Variants in TRMO observed in about 807,000 individuals in gnomAD.
TRMO encodes tRNA methyltransferase O, also known as tRNA (adenine(37)-N6)-methyltransferase.
Under a neutral mutation model 37.2 loss-of-function variants are expected in TRMO, and 30 were observed. The ratio of observed to expected loss-of-function variants is 0.81; its 90% CI spans 0.60 to 1.09. The LOEUF (loss-of-function observed/expected upper bound fraction) is 1.09, where lower values mean the gene tolerates loss of function less well. Among genes scored for constraint, TRMO ranks in the 50% least tolerant of loss-of-function variants. The pLI, the probability that TRMO is intolerant of heterozygous loss-of-function variation, is 0.00. For missense variants in TRMO, 552 were observed against 549.5 expected (o/e 1.00, Z -0.05); for synonymous variants, 239 against 199.4 (o/e 1.20, Z -1.67).
chr9:97,920,335 G>A (rs1198338653), intron 1 of TRMO, among the ~76,000 whole-genome samples: 1 of 152,170 alleles, frequency 6.6e-6, no homozygotes, highest in East Asian at 1.9e-4. Context: ...CATGGAAATG[G>A]GGAGAAGTGG....
downstream of TRMO, among the ~76,000 whole-genome samples, chr9:97,903,649 T>C (rs954001738): frequency 2.0e-5 from 3 of 152,228 alleles, no homozygotes; most frequent in Non-Finnish European, 4.4e-5. Context: ...AATTACTGTA[T>C]TTCTAAAACT....
At chr9:97,897,739 T>C in the TRMO span, among the ~76,000 whole-genome samples, 1 of 152,288 alleles carries the variant, frequency 6.6e-6, no homozygotes, top group East Asian at 1.9e-4. Flanking sequence ...TAAAAATGTT[T>C]TTTATATCTT....
At chr9:97,917,565 AT>A (rs1671597162) in intron 1 of TRMO, among the ~76,000 whole-genome samples, 2 of 152,214 alleles carry the variant, frequency 1.3e-5, no homozygotes, top group African/African-American at 4.8e-5. Context: ...AATAATATAT[AT>A]AATATAATCC....
chr9:97,903,977 G>C (rs1825748695), downstream of TRMO, among the ~76,000 whole-genome samples: 1 of 152,132 alleles, frequency 6.6e-6, no homozygotes, highest in South Asian at 2.1e-4. Flanking sequence ...AGCTACTCAG[G>C]AGGCTGAGGC....
intron 3 of TRMO, chr9:97,911,276 G>A (rs190040223): frequency 7.8e-5 from 13 of 166,616 alleles, no homozygotes; most frequent in East Asian, 1.8e-4. Context: ...AGACTCACTC[G>A]AGAGACTCTC....
chr9:97,904,466 T>C, downstream of TRMO: 1 of 1,234,826 alleles, frequency 8.1e-7, no homozygotes, highest in South Asian at 2.4e-5. Flanking sequence ...GAACAGCTTC[T>C]TTCAGAAATT....
At chr9:97,913,791 CA>C (rs1362306366) in intron 2 of TRMO, among the ~76,000 whole-genome samples, 3 of 152,214 alleles carry the variant, frequency 2.0e-5, no homozygotes, top group African/African-American at 4.8e-5. Flanking sequence ...AACTGGCACA[CA>C]GTAGGAACTT....
Position 97,922,443 on chromosome 9 carries a change from G to A in TRMO, c.51C>T (p.Gly17=), listed in dbSNP as rs1372611484. Residue 17 remains glycine, a synonymous_variant, in exon 1 of 5, where the codon GGC becomes GGT. Transcript: ENST00000375119. ...CTGTCTCCAGAGCCGGCTTAACGCAGCCGCACGGGGTCGCTGTAGGCCGAG... is the reference window on the plus strand; with the variant it reads ...CTGTCTCCAGAGCCGGCTTAACGCAACCGCACGGGGTCGCTGTAGGCCGAG... The part of the protein sequence containing the change: ...SGPRPTATPC[G]CVKPALETGN... 3.2e-6 allele frequency: 5 copies of A among 1,587,014 alleles called. No individual in the cohort carries two copies. The highest frequency in any genetic ancestry group is 1.1e-5 in the South Asian group (1 of 87,280).
At chr9:97,917,238 A>G (rs916149876) in intron 1 of TRMO, among the ~76,000 whole-genome samples, 2 of 152,260 alleles carry the variant, frequency 1.3e-5, no homozygotes, top group South Asian at 2.1e-4. Flanking sequence ...CTGGGTATAC[A>G]TAAGTAAGGA....
the TRMO span, among the ~76,000 whole-genome samples, chr9:97,897,110 T>C: frequency 2.0e-5 from 3 of 152,258 alleles, no homozygotes; most frequent in African/African-American, 4.8e-5. Flanking sequence ...GATATTATAA[T>C]ACATACTTGC....
At chr9:97,902,136 AG>A (rs1831183869), downstream of TRMO, among the ~76,000 whole-genome samples, 1 of 152,202 alleles carries the variant, frequency 6.6e-6, no homozygotes, top group Admixed American at 6.5e-5. Flanking sequence ...ACGTTCAGGA[AG>A]AATGTTTTAA....
Position 97,909,990 on chromosome 9 carries a change from C to T in TRMO, c.1036G>A (p.Glu346Lys), listed in dbSNP as rs762718484. 4 of 1,562,212 alleles carry T rather than the reference C, an allele frequency of 2.6e-6. No individual in the cohort carries two copies. The highest frequency in any genetic ancestry group is 2.3e-5 in the East Asian group (1 of 44,324). Residue 346 changes from glutamate to lysine, a missense_variant, in exon 4 of 5, where the codon GAG becomes AAG. By Grantham distance (56) the Glu-to-Lys change is moderately conservative. Coordinates refer to ENST00000375119, the MANE Select transcript of TRMO (RefSeq NM_016481.5). ...TLEVRFTPHA[E>K]MDLGQLSSQD... ...GAACTGAGCTGCCCAAGGTCCATCT[C>T]GGCATGAGGAGTAAACCGCACTTCT...
intron 4 of TRMO, 146 bp from the exon 5 acceptor site, chr9:97,905,138 T>A: frequency 2.2e-6 from 2 of 892,382 alleles, no homozygotes; most frequent in South Asian, 1.7e-5. Context: ...TTACGGAGAC[T>A]GTCACCGTCA....
chr9:97,902,795 C>T (rs1013294707), downstream of TRMO, among the ~76,000 whole-genome samples: 12 of 152,190 alleles, frequency 7.9e-5, no homozygotes, highest in African/African-American at 2.7e-4. Context: ...CAAAATCAAA[C>T]TAAAGTGTAG....
rs758588929 is a variant in TRMO, at chr9:97,922,494, G to A, written c.-1C>T. 2.2e-5 allele frequency: 35 copies of A among 1,572,852 alleles called. No homozygotes were observed. The African/African-American group carries it at 4.2e-4, about 19-fold the overall frequency. On this transcript the variant is annotated 5_prime_UTR_variant, in exon 1 of 5. Coordinates refer to ENST00000375119, the MANE Select transcript of TRMO (RefSeq NM_016481.5). Reference sequence around the variant, plus strand: ...GCCCCGACTCCTCCAAGCCGCGCATGGCTACTGGTTGCTGAGGTGCCCACC... The same window carrying A: ...GCCCCGACTCCTCCAAGCCGCGCATAGCTACTGGTTGCTGAGGTGCCCACC...
In TRMO at chr9:97,913,587, G is replaced by C. The variant is rs572524913; in HGVS notation, c.252-29C>G. The C allele has an allele frequency of 1.8e-5, 27 of 1,460,000 alleles. No individual in the cohort carries two copies. The African/African-American group carries it at 2.9e-4, about 16-fold the overall frequency. 90.4% of individuals were successfully genotyped at this position (1,460,000 alleles called of 1,614,324 possible). On this transcript the variant is annotated intron_variant, in intron 2 of 4. Coordinates refer to ENST00000375119, the MANE Select transcript of TRMO (RefSeq NM_016481.5). ...TAGAAAACAAAACAAAACAAACCAC[G>C]GAATAAGAAAAGAGCACAAGTTATT...
chr9:97,899,268 G>C, the TRMO span, among the ~76,000 whole-genome samples: 1 of 152,084 alleles, frequency 6.6e-6, no homozygotes. Context: ...AGTGAAGGTG[G>C]TTCACGGTAC....
In TRMO at chr9:97,909,970, G is replaced by C; in HGVS notation, c.1056C>G (p.Leu352=). 3 of 1,534,248 alleles carry C rather than the reference G, an allele frequency of 2.0e-6. No individual in the cohort carries two copies. The highest frequency in any genetic ancestry group is 2.6e-6 in the Non-Finnish European group (3 of 1,141,638). The change falls in exon 4 of 5, where the codon CTC becomes CTG. Residue 352 remains leucine (L), a synonymous_variant. Coordinates refer to ENST00000375119, the MANE Select transcript of TRMO (RefSeq NM_016481.5). Reference sequence around the variant, plus strand: ...AGAAACTGAAGATACCTTGTGAACTGAGCTGCCCAAGGTCCATCTCGGCAT... The same window carrying C: ...AGAAACTGAAGATACCTTGTGAACTCAGCTGCCCAAGGTCCATCTCGGCAT... ...TPHAEMDLGQ[L]SSQDVGQASF...
chr9:97,901,720 G>A (rs1169378547), downstream of TRMO, among the ~76,000 whole-genome samples: 2 of 150,254 alleles, frequency 1.3e-5, no homozygotes, highest in African/African-American at 2.5e-5. Context: ...CTCTGGGTTC[G>A]TGGAATGAGC....
Sources: allele counts gnomAD v4.1 joint callset (sites outside exome capture counted in the v4.1 genomes callset), GRCh38; gene constraint gnomAD v4.1.1; transcripts MANE v1.5; gene names NCBI Gene and HGNC (gene_info 2026-07-23, HGNC 2026-07-21).